SETD6: variants seen among roughly 807,000 people sequenced by gnomAD.
SETD6 encodes the protein SET domain containing 6, protein lysine methyltransferase.
SETD6 carries 67 observed loss-of-function variants against 52.7 expected under a neutral mutation model. The ratio of observed to expected loss-of-function variants is 1.27; its 90% CI spans 1.04 to 1.56. The LOEUF (loss-of-function observed/expected upper bound fraction) is 1.56. SETD6 is among the 40% of genes most tolerant of loss of function. The probability of loss-of-function intolerance (pLI) is 0.00; values close to 1 mark genes in which losing one functional copy is unlikely to be tolerated. For missense variants in SETD6, 712 were observed against 607.5 expected, an observed-to-expected ratio of 1.17 and a Z score of -1.81; for synonymous variants, 307 against 250.2, an observed-to-expected ratio of 1.23 and a Z score of -2.14.
chr16:58,516,755 A>G, intron 4 of SETD6, 53 bp from the exon 5 acceptor site: 1 of 1,610,606 alleles, frequency 6.2e-7, no homozygotes, highest in East Asian at 2.2e-5. Flanking sequence ...AGTGAAATCC[A>G]CCCCCAGTCC....
At chr16:58,517,019 T>C in intron 5 of SETD6, 91 bp downstream of exon 5, 1 of 1,577,416 alleles carries the variant, frequency 6.3e-7, no homozygotes, top group Non-Finnish European at 8.7e-7. Flanking sequence ...ACAAAATGAG[T>C]AGGTGAAATC....
chr16:58,521,424 A>G lies in SETD6; in HGVS notation c.*2395A>G. The stretch of plus-strand genomic sequence containing the variant: ...TCTCCCTGACTATTGAACCACATGC[A>G]AAAGTTTTCACCTTTAGTAAAGACA... On this transcript the variant is annotated 3_prime_UTR_variant, in exon 8 of 8. Transcript: ENST00000219315. 1 of 1,135,044 alleles carries G rather than the reference A, an allele frequency of 8.8e-7. No individual in the cohort carries two copies. Among genetic ancestry groups the G allele is most frequent in the Non-Finnish European group, 1.3e-6 (1 of 798,600 alleles). The allele number at this position is 1,135,044 out of a possible 1,614,324, so 70.3% of individuals were successfully genotyped here. A position where few individuals can be genotyped will look rare whatever the true frequency, so the allele number is the denominator to read the frequency against.
At position 58,523,235 on chromosome 16, in the gene SETD6, A is replaced by G. The variant is rs957761181; in HGVS notation, c.*4206A>G. ...ACTGCAGACTGAGTGACAGAGCAAC[A>G]CTCCGTCTCAAAAAAACAAAAAAAA... On this transcript the variant is annotated 3_prime_UTR_variant, in exon 8 of 8. Coordinates refer to ENST00000219315, the MANE Select transcript of SETD6 (RefSeq NM_001160305.4). 2.7e-5 allele frequency: 24 copies of G among 875,598 alleles called. No homozygotes were observed. Among genetic ancestry groups the G allele is most frequent in the Non-Finnish European group, 3.8e-5 (23 of 606,160 alleles). The allele number at this position is 875,598 out of a possible 1,614,324, so 54.2% of individuals were successfully genotyped here.
In SETD6 at chr16:58,515,967, G is replaced by C. The variant is rs1455096146; in HGVS notation, c.204G>C (p.Arg68=). The C allele has an allele frequency of 1.3e-5, 20 of 1,531,894 alleles. No homozygotes were observed. Among genetic ancestry groups the C allele is most frequent in the Non-Finnish European group, 1.7e-5 (20 of 1,148,750 alleles). 94.9% of individuals were successfully genotyped at this position (1,531,894 alleles called of 1,614,324 possible). Residue 68 remains arginine (R), a synonymous_variant, in exon 2 of 8, where the codon CGG becomes CGC. Coordinates refer to ENST00000219315, the MANE Select transcript of SETD6 (RefSeq NM_001160305.4). ...CTCCTGCTCAGGTGGCGGTCAGCCG[G>C]CAGGGCACGGTGGCCGGCTACGGCA... ...TSPPAQVAVS[R]QGTVAGYGMV...
At chr16:58,515,608 C>A in intron 1 of SETD6, 44 bp downstream of exon 1, 1 of 1,488,592 alleles carries the variant, frequency 6.7e-7, no homozygotes. Context: ...CCGCGCCTCA[C>A]CCCTTCTCCG....
At position 58,523,252 on chromosome 16, in the gene SETD6, CAAAA is replaced by C. The variant is rs903222270; in HGVS notation, c.*4230_*4233del. On this transcript the variant is annotated 3_prime_UTR_variant, in exon 8 of 8. Coordinates refer to ENST00000219315, the MANE Select transcript of SETD6 (RefSeq NM_001160305.4). ...AGAGCAACACTCCGTCTCAAAAAAA[CAAAA>C]AAAAAACCAACCAAACGGATTTTCA... 1.7e-5 allele frequency: 17 copies of C among 1,028,448 alleles called. 1 individual carries two copies. The Admixed American group carries it at 3.5e-4, about 21-fold the overall frequency. 63.7% of individuals were successfully genotyped at this position (1,028,448 alleles called of 1,614,324 possible).
chr16:58,522,175 C>T lies in SETD6; in HGVS notation c.*3146C>T, dbSNP rs559481028. ...TCTACTAAAAATACAAAAAATTAGC[C>T]GGACGTGGTGGCAGGTGCCTGTAAT... On this transcript the variant is annotated 3_prime_UTR_variant, in exon 8 of 8. Coordinates refer to ENST00000219315, the MANE Select transcript of SETD6 (RefSeq NM_001160305.4). Among the ~76,000 whole-genome samples the T allele has an allele frequency of 2.9e-5, 4 of 136,070 alleles. No homozygotes were observed. Among genetic ancestry groups the T allele is most frequent in the East Asian group, 2.2e-4 (1 of 4,482 alleles). 89.3% of individuals were successfully genotyped at this position (136,070 alleles called of 152,430 possible). A position where few individuals can be genotyped will look rare whatever the true frequency, so the allele number is the denominator to read the frequency against.
rs1234381210 is a variant in SETD6 at position 58,521,762 on chromosome 16, G to C, written c.*2733G>C. 6.6e-6 allele frequency among the ~76,000 whole-genome samples: 1 copy of C among 152,042 alleles called. No individual in the cohort carries two copies. Among genetic ancestry groups the C allele is most frequent in the Admixed American group, 6.6e-5 (1 of 15,260 alleles). On this transcript the variant is annotated 3_prime_UTR_variant, in exon 8 of 8. Transcript: ENST00000219315. ...AGGTCAGGAGTTCGAGACCAGCCTGGCCAACATGGTGAAACCCCATCTCTG... is the reference window on the plus strand; with the variant it reads ...AGGTCAGGAGTTCGAGACCAGCCTGCCCAACATGGTGAAACCCCATCTCTG...
chr16:58,518,881 A>G lies in SETD6; in HGVS notation c.1274A>G (p.Gln425Arg), dbSNP rs2039266627. 3.1e-6 allele frequency: 5 copies of G among 1,614,220 alleles called. No individual in the cohort carries two copies. The highest frequency in any genetic ancestry group is 4.2e-6 in the Non-Finnish European group (5 of 1,180,044). ...CAAAACAGTGTTCTACTGACTTTGC[A>G]GACCTATGCCACAGACTTAAAAACT... is the stretch of plus-strand genomic sequence containing the variant. ...LLQNSVLLTL[Q>R]TYATDLKTDQ... The change falls in exon 8 of 8, where the codon CAG becomes CGG. Residue 425 changes from glutamine (Q) to arginine (R), a missense_variant. By Grantham distance (43) the Gln-to-Arg change is conservative (BLOSUM62 1). Transcript: ENST00000219315.
rs777688955 is a variant in SETD6 at position 58,518,365 on chromosome 16, T to TGTACTGAGACTTTCAC, written c.974-35_974-20dup. The stretch of plus-strand genomic sequence containing the variant: ...ACTAAAGAAGAAATGAACCCTTGGG[T>TGTACTGAGACTTTCAC]GTACTGAGACTTTCACATTGCTGTT... On this transcript the variant is annotated intron_variant, in intron 6 of 7. Coordinates refer to ENST00000219315, the MANE Select transcript of SETD6 (RefSeq NM_001160305.4). 4 of 1,582,566 alleles carry TGTACTGAGACTTTCAC rather than the reference T, an allele frequency of 2.5e-6. 1 individual carries two copies. In the Middle Eastern group the frequency reaches 5.1e-4, roughly 201 times the overall value.
rs148804043 is a variant in SETD6 at position 58,521,522 on chromosome 16, C to G, written c.*2493C>G. On this transcript the variant is annotated 3_prime_UTR_variant, in exon 8 of 8. Transcript: ENST00000219315. ...GAACCCTGCTCTTAGCCGTAGAAGA[C>G]TAAGTATTTATATAAAGTGCAGATA... Among the ~76,000 whole-genome samples, 6 of 152,286 alleles carry G rather than the reference C, an allele frequency of 3.9e-5. No homozygotes were observed. In the East Asian group the frequency reaches 7.7e-4, roughly 20 times the overall value.
Position 58,520,288 on chromosome 16 carries a change from T to G in SETD6, c.*1259T>G, listed in dbSNP as rs1286262731. On this transcript the variant is annotated 3_prime_UTR_variant, in exon 8 of 8. Coordinates refer to ENST00000219315, the MANE Select transcript of SETD6 (RefSeq NM_001160305.4). The stretch of plus-strand genomic sequence containing the variant: ...AGGCCTGGTCTGGTTTCCCTTTATA[T>G]AAAGAGCTGACCCCCATCTCAGGCG... 1 of 152,142 alleles carries G rather than the reference T, an allele frequency of 6.6e-6. No individual in the cohort carries two copies. Among genetic ancestry groups the G allele is most frequent in the Non-Finnish European group, 1.5e-5 (1 of 68,104 alleles). The allele number at this position is 152,142 out of a possible 1,614,324, so 9.4% of individuals were successfully genotyped here. A position where few individuals can be genotyped will look rare whatever the true frequency, so the allele number is the denominator to read the frequency against.
Position 58,515,885 on chromosome 16 carries a change from G to A in SETD6, c.122G>A (p.Ser41Asn). Reference sequence around the variant, plus strand: ...GGGCTGGAGCTGAGTCCCAAGGTGAGCGAGCGAGCCGGCGGGCGGAGGACC... The same window carrying A: ...GGGCTGGAGCTGAGTCCCAAGGTGAACGAGCGAGCCGGCGGGCGGAGGACC... ...RVGLELSPKV[S>N]ERAGGRRTRG... Residue 41 changes from serine (S) to asparagine (N), a missense_variant, in exon 2 of 8, where the codon AGC (serine) becomes AAC (asparagine). Ser to Asn is a conservative substitution (Grantham distance 46). Transcript: ENST00000219315. 1.3e-6 allele frequency: 2 copies of A among 1,516,292 alleles called. No individual in the cohort carries two copies. Among genetic ancestry groups the A allele is most frequent in the Non-Finnish European group, 1.8e-6 (2 of 1,141,160 alleles). 93.9% of individuals were successfully genotyped at this position (1,516,292 alleles called of 1,614,324 possible). A position where few individuals can be genotyped will look rare whatever the true frequency, so the allele number is the denominator to read the frequency against.
intron 5 of SETD6, 92 bp from the exon 6 acceptor site, chr16:58,517,959 C>A: frequency 6.6e-7 from 1 of 1,518,464 alleles, no homozygotes; most frequent in Non-Finnish European, 9.1e-7. Context: ...CATGGCTGAA[C>A]TACACCTGCT....
At position 58,518,074 on chromosome 16, in the gene SETD6, T is replaced by A; in HGVS notation, c.816T>A (p.Thr272=). The A allele has an allele frequency of 6.2e-7, 1 of 1,614,170 alleles. No homozygotes were observed. Among genetic ancestry groups the A allele is most frequent in the Non-Finnish European group, 8.5e-7 (1 of 1,180,030 alleles). The change falls in exon 6 of 8, where the codon ACT becomes ACA. Residue 272 remains threonine (T), a synonymous_variant. Transcript: ENST00000219315. ...YSANCLRMVA[T]QPIPKGHEIF... ...AGAATTGTCTTCGGATGGTAGCCAC[T>A]CAGCCCATTCCTAAAGGCCATGAGA...
Position 58,519,082 on chromosome 16 carries a change from T to TACTC in SETD6, c.*55_*58dup. 6.7e-7 allele frequency: 1 copy of TACTC among 1,494,388 alleles called. No individual in the cohort carries two copies. The highest frequency in any genetic ancestry group is 9.0e-7 in the Non-Finnish European group (1 of 1,114,018). 92.6% of individuals were successfully genotyped at this position (1,494,388 alleles called of 1,614,324 possible). ...CAATAAGAACTTTATTCTAAGCTAA[T>TACTC]ACTCATTGATGTTTGAAAAAGAGGA... is the stretch of plus-strand genomic sequence containing the variant. On this transcript the variant is annotated 3_prime_UTR_variant, in exon 8 of 8. Transcript: ENST00000219315.
intron 5 of SETD6, 73 bp downstream of exon 5, chr16:58,517,001 C>T: frequency 1.9e-6 from 3 of 1,608,486 alleles, no homozygotes; most frequent in South Asian, 1.1e-5. Flanking sequence ...CATTCTCTTA[C>T]TAGTGCTACA....
rs767347391 is a variant in SETD6, at chr16:58,515,838, C to T, written c.75C>T (p.Phe25=). 21 of 1,539,736 alleles carry T rather than the reference C, an allele frequency of 1.4e-5. No individual in the cohort carries two copies. Among genetic ancestry groups the T allele is most frequent in the Middle Eastern group, 1.7e-4 (1 of 5,906 alleles). The change falls in exon 2 of 8, where the codon TTC becomes TTT. Residue 25 remains phenylalanine, a synonymous_variant. Coordinates refer to ENST00000219315, the MANE Select transcript of SETD6 (RefSeq NM_001160305.4). The part of the protein sequence containing the change: ...DGGDLDPVAC[F]LSWCRRVGLE... ...GCGACCTGGATCCTGTGGCCTGCTT[C>T]CTGAGCTGGTGCCGGCGGGTGGGGC...
rs112854734 is a variant in SETD6, at chr16:58,516,891, A to G, written c.755A>G (p.His252Arg). Residue 252 changes from histidine (H) to arginine (R), a missense_variant, in exon 5 of 8, where the codon CAC becomes CGC. Coordinates refer to ENST00000219315, the MANE Select transcript of SETD6 (RefSeq NM_001160305.4). ...GTGCCTGCTGCAGACATACTAAACCACTTAGCCAATCACAACGCCAATCTA... is the reference window on the plus strand; with the variant it reads ...GTGCCTGCTGCAGACATACTAAACCGCTTAGCCAATCACAACGCCAATCTA... Reference protein sequence around the residue: ...VMVPAADILNHLANHNANLEY... With the variant: ...VMVPAADILNRLANHNANLEY... 1 of 1,614,116 alleles carries G rather than the reference A, an allele frequency of 6.2e-7. No homozygotes were observed. The highest frequency in any genetic ancestry group is 8.5e-7 in the Non-Finnish European group (1 of 1,180,026).
Sources: gnomAD v4.1 joint callset for allele counts (sites outside exome capture counted in the v4.1 genomes callset) on GRCh38, gnomAD v4.1.1 for gene constraint, MANE v1.5 for transcripts, NCBI Gene and HGNC (gene_info 2026-07-23, HGNC 2026-07-21) for gene names.